Variants in ASIC4 observed in about 807,000 individuals in gnomAD.
ASIC4 encodes acid sensing ion channel subunit family member 4.
Under a neutral mutation model 53.4 loss-of-function variants are expected in ASIC4, and 28 were observed. That is an observed-to-expected ratio of 0.52 (90% CI 0.39 to 0.72). The LOEUF (loss-of-function observed/expected upper bound fraction) is 0.72. Ranked by LOEUF, ASIC4 falls within the 30% of genes least tolerant of loss-of-function variation. The pLI, the probability that ASIC4 is intolerant of heterozygous loss-of-function variation, is 0.00. For synonymous variants in ASIC4, 289 were observed against 301.4 expected (o/e 0.96, Z 0.43); for missense variants, 649 against 729.7 (o/e 0.89, Z 1.27).
intron 1 of ASIC4, among the ~76,000 whole-genome samples, chr2:219,525,315 A>G (rs1694945845): frequency 3.3e-5 from 5 of 152,240 alleles, no homozygotes; most frequent in Admixed American, 2.6e-4. Context: ...AATCTGTGAA[A>G]TAAGCAGGGA....
intron 1 of ASIC4, among the ~76,000 whole-genome samples, chr2:219,522,850 G>A (rs1448467580): frequency 6.6e-6 from 1 of 152,128 alleles, no homozygotes; most frequent in Non-Finnish European, 1.5e-5. Context: ...ATGCAAATGA[G>A]GCAGACCCAG....
intron 1 of ASIC4, among the ~76,000 whole-genome samples, chr2:219,520,938 C>T (rs1694874469): frequency 7.9e-5 from 12 of 152,230 alleles, no homozygotes; most frequent in Admixed American, 7.9e-4. Flanking sequence ...GTCTTCCAGT[C>T]TGTCAAAAGC....
In ASIC4 at chr2:219,537,278, C is replaced by T. The variant is rs1341087125; in HGVS notation, c.1358C>T (p.Ala453Val). ...GGACAGATGGGCCTGTTCATTGGGG[C>T]CAGCATCCTCACGTTGCTGGAGATC... Reference protein sequence around the residue: ...LGGQMGLFIGASILTLLEILD... With the variant: ...LGGQMGLFIGVSILTLLEILD... The change falls in exon 8 of 10, where the codon GCC becomes GTC. Residue 453 changes from alanine (A) to valine (V), a missense_variant. By Grantham distance (64) the Ala-to-Val change is moderately conservative (BLOSUM62 0). Coordinates refer to ENST00000358078, the MANE Select transcript of ASIC4 (RefSeq NM_018674.6). The surrounding 1 kb of genome is among the most constrained non-coding windows in gnomAD (Gnocchi z 4.9). The T allele has an allele frequency of 6.2e-7, 1 of 1,613,662 alleles. No individual in the cohort carries two copies. The highest frequency in any genetic ancestry group is 1.7e-5 in the Admixed American group (1 of 59,946).
upstream of ASIC4, among the ~76,000 whole-genome samples, chr2:219,510,122 CGT>C (rs1694682278): frequency 6.6e-6 from 1 of 152,016 alleles, no homozygotes; most frequent in Non-Finnish European, 1.5e-5. The surrounding 1 kb of genome is among the most constrained non-coding windows in gnomAD (Gnocchi z 5.2). Context: ...GAAACCCTGC[CGT>C]CTTCACAGCC....
At chr2:219,514,297 T>C (rs1694739981), upstream of ASIC4, 2 of 1,487,048 alleles carry the variant, frequency 1.3e-6, no homozygotes, top group Admixed American at 2.4e-5. Flanking sequence ...GGTGAAACGC[T>C]GTTGACATGT....
At chr2:219,533,154 G>A (rs1695072213) in intron 5 of ASIC4, 6 of 606,220 alleles carry the variant, frequency 9.9e-6, no homozygotes, top group Non-Finnish European at 5.9e-6. Flanking sequence ...CAGGGTGGGG[G>A]GTTGCAGAGA....
chr2:219,510,101 T>C (rs1219138236), upstream of ASIC4, among the ~76,000 whole-genome samples: 1 of 151,930 alleles, frequency 6.6e-6, no homozygotes, highest in Non-Finnish European at 1.5e-5. This position sits in a 1 kb window ranked among gnomAD's most constrained non-coding sequence, Gnocchi z 5.2. Flanking sequence ...GACCACCTCT[T>C]GGCCCCTGAT....
upstream of ASIC4, chr2:219,514,139 C>G: frequency 8.0e-6 from 5 of 621,856 alleles, no homozygotes; most frequent in Middle Eastern, 1.3e-3. Context: ...GCACCCTTCC[C>G]TGGGTGGCCA....
the ASIC4 span, chr2:219,507,100 T>C: frequency 1.6e-4 from 61 of 375,310 alleles, no homozygotes; most frequent in East Asian, 3.1e-3. Context: ...TGTGGGCTCA[T>C]GAATAATGAA....
At chr2:219,514,407 C>T (rs779433368), upstream of ASIC4, 107 of 1,548,668 alleles carry the variant, frequency 6.9e-5, no homozygotes, top group Admixed American at 8.8e-4. Context: ...CTCGCTCACT[C>T]GCTCGCTCGC....
chr2:219,534,139 G>A (rs1329008763), intron 5 of ASIC4: 1 of 152,128 alleles, frequency 6.6e-6, no homozygotes, highest in Non-Finnish European at 1.5e-5. Context: ...TAGGAGGGGA[G>A]GAGACTCAAA....
intron 1 of ASIC4, among the ~76,000 whole-genome samples, chr2:219,525,583 G>C (rs1472361633): frequency 6.6e-6 from 1 of 152,226 alleles, no homozygotes; most frequent in African/African-American, 2.4e-5. Context: ...ATTGGACTGA[G>C]TGACCTCGAA....
upstream of ASIC4, among the ~76,000 whole-genome samples, chr2:219,512,777 C>T (rs1237162819): frequency 6.6e-6 from 1 of 152,282 alleles, no homozygotes; most frequent in African/African-American, 2.4e-5. Flanking sequence ...CCAGCTGACC[C>T]AGACTCATTG....
At chr2:219,511,396 C>A (rs941464131), upstream of ASIC4, among the ~76,000 whole-genome samples, 2 of 150,256 alleles carry the variant, frequency 1.3e-5, no homozygotes, top group East Asian at 4.0e-4. The surrounding 1 kb of genome is among the most constrained non-coding windows in gnomAD (Gnocchi z 5.3). Context: ...TGCACTGCCC[C>A]CCCCCCACAT....
chr2:219,533,177 G>C, intron 5 of ASIC4: 1 of 584,306 alleles, frequency 1.7e-6, no homozygotes, highest in Non-Finnish European at 3.1e-6. Flanking sequence ...CCAGGACTGG[G>C]AGTGAAGGTC....
intron 1 of ASIC4, among the ~76,000 whole-genome samples, chr2:219,526,914 G>T (rs1189734324): frequency 1.3e-5 from 2 of 152,218 alleles, no homozygotes; most frequent in African/African-American, 4.8e-5. Context: ...GGACATGGGG[G>T]TCTGAGATGG....
At position 219,514,650 on chromosome 2, in the gene ASIC4, G is replaced by T; in HGVS notation, c.-75G>T. On this transcript the variant is annotated 5_prime_UTR_variant, in exon 1 of 10. Coordinates refer to ENST00000358078, the MANE Select transcript of ASIC4 (RefSeq NM_018674.6). ...GCAGCCGCTGCCACCACTGCCACTC[G>T]GGAGGGCACCAGGGCTGCTGGCTAG... is the stretch of plus-strand genomic sequence containing the variant. 1 of 1,612,868 alleles carries T rather than the reference G, an allele frequency of 6.2e-7. No individual in the cohort carries two copies.
In ASIC4 at chr2:219,514,896, T is replaced by C; in HGVS notation, c.172T>C (p.Cys58Arg). The change falls in exon 1 of 10, where the codon TGT (cysteine) becomes CGT (arginine). Residue 58 changes from cysteine to arginine, a missense_variant. Coordinates refer to ENST00000358078, the MANE Select transcript of ASIC4 (RefSeq NM_018674.6). ...TSTLHGLGRACGPGPHGLRRT... is the reference protein window; with the variant it reads ...TSTLHGLGRARGPGPHGLRRT... ...CACCCTGCATGGACTGGGCCGGGCC[T>C]GTGGCCCAGGCCCCCACGGACTGCG... is the stretch of plus-strand genomic sequence containing the variant. 3 of 1,612,440 alleles carry C rather than the reference T, an allele frequency of 1.9e-6. No homozygotes were observed. The highest frequency in any genetic ancestry group is 2.5e-6 in the Non-Finnish European group (3 of 1,179,810).
chr2:219,530,945 G>A (rs79357765), intron 1 of ASIC4, among the ~76,000 whole-genome samples: 2,785 of 152,266 alleles, frequency 0.018, 88 homozygotes, highest in African/African-American at 0.064. Flanking sequence ...CATGGCTTCC[G>A]GTAGGGAGGG....
Sources: gnomAD v4.1 joint callset for allele counts (sites outside exome capture counted in the v4.1 genomes callset) on GRCh38, gnomAD v4.1.1 for gene constraint, Gnocchi (gnomAD v3.1) non-coding constraint, MANE v1.5 for transcripts, NCBI Gene and HGNC (gene_info 2026-07-23, HGNC 2026-07-21) for gene names.